Variants in BIRC6 observed in about 807,000 individuals in gnomAD.
BIRC6 encodes baculoviral IAP repeat containing 6.
Under a neutral mutation model 503.3 loss-of-function variants are expected in BIRC6, and 98 were observed. That is an observed-to-expected ratio of 0.19 (90% confidence interval 0.17 to 0.23). The LOEUF (loss-of-function observed/expected upper bound fraction) is 0.23. BIRC6 is among the 10% of genes least tolerant of loss of function. BIRC6 has a pLI of 1.00. For synonymous variants in BIRC6, 2,240 were observed against 2,078.7 expected, an observed-to-expected ratio of 1.08 and a Z score of -2.11; for missense variants, 5,360 against 5,806.0, an observed-to-expected ratio of 0.92 and a Z score of 2.50.
intron 50 of BIRC6, 28 bp downstream of exon 50, chr2:32,505,233 A>T (rs767391784): frequency 4.0e-6 from 6 of 1,492,318 alleles, no homozygotes; most frequent in Non-Finnish European, 5.5e-6. Context: ...AAGAAGCATC[A>T]TGAGAACAAG....
intron 11 of BIRC6, 107 bp downstream of exon 11, chr2:32,429,402 A>G: frequency 1.2e-6 from 1 of 850,148 alleles, no homozygotes; most frequent in Non-Finnish European, 1.7e-6. Context: ...GTGATTCTCA[A>G]CCTGTATGGT....
intron 53 of BIRC6, among the ~76,000 whole-genome samples, chr2:32,511,535 T>A (rs1024759213): frequency 4.1e-5 from 6 of 147,310 alleles, no homozygotes; most frequent in Non-Finnish European, 6.0e-5. Context: ...CTTTACCGTG[T>A]TAGTCAGGAT....
chr2:32,571,816 G>A (rs1239993126), intron 65 of BIRC6, among the ~76,000 whole-genome samples: 8 of 152,108 alleles, frequency 5.3e-5, no homozygotes, highest in African/African-American at 1.9e-4. Context: ...TGAGGTACAT[G>A]TAAGATTGTT....
chr2:32,608,127 CT>C (rs1363097143), intron 72 of BIRC6, among the ~76,000 whole-genome samples: 1 of 149,342 alleles, frequency 6.7e-6, no homozygotes, highest in Non-Finnish European at 1.5e-5. Flanking sequence ...AAGACCCCAT[CT>C]CTGCAAAAAG....
intron 27 of BIRC6, 78 bp from the exon 28 acceptor site, chr2:32,467,825 C>A: frequency 7.0e-7 from 1 of 1,429,898 alleles, no homozygotes; most frequent in Non-Finnish European, 9.4e-7. Context: ...AAAAATATAA[C>A]TATCTTTTTA....
intron 3 of BIRC6, among the ~76,000 whole-genome samples, chr2:32,381,695 G>A (rs1055019582): frequency 2.0e-5 from 3 of 151,944 alleles, no homozygotes; most frequent in South Asian, 2.1e-4. Context: ...ATAGGCACAC[G>A]CCACCATGCC....
intron 56 of BIRC6, 22 bp downstream of exon 56, chr2:32,518,419 A>G: frequency 1.3e-6 from 2 of 1,595,824 alleles, no homozygotes; most frequent in Non-Finnish European, 1.7e-6. Context: ...ACACTTAATC[A>G]TTGGCTGTGT....
At chr2:32,498,267 G>C (rs374351103) in intron 45 of BIRC6, among the ~76,000 whole-genome samples, 1 of 152,106 alleles carries the variant, frequency 6.6e-6, no homozygotes, top group African/African-American at 2.4e-5. Flanking sequence ...GTTTCACCAG[G>C]TTGGCCAGGG....
intron 45 of BIRC6, among the ~76,000 whole-genome samples, chr2:32,494,574 A>G (rs1218428549): frequency 3.3e-5 from 5 of 151,928 alleles, no homozygotes; most frequent in Non-Finnish European, 2.9e-5. Flanking sequence ...TGAAGTTACA[A>G]TAAAACTGAG....
In BIRC6 at chr2:32,401,349, A is replaced by G; in HGVS notation, c.1221A>G (p.Gly407=). Residue 407 remains glycine (G), a synonymous_variant, in exon 7 of 74, where the codon GGA becomes GGG. Coordinates refer to ENST00000421745, the MANE Select transcript of BIRC6 (RefSeq NM_016252.4). ...PHFLAAATKR[G]KICIWDVSKL... The stretch of plus-strand genomic sequence containing the variant: ...TTCTAGCTGCTGCAACTAAACGAGG[A>G]AAGATCTGCATATGGGATGTTTCCA... 2.5e-6 allele frequency: 4 copies of G among 1,614,056 alleles called. No individual in the cohort carries two copies. Among genetic ancestry groups the G allele is most frequent in the Non-Finnish European group, 3.4e-6 (4 of 1,179,896 alleles).
intron 52 of BIRC6, 71 bp downstream of exon 52, chr2:32,510,065 C>T (rs867973101): frequency 1.1e-5 from 17 of 1,507,426 alleles, no homozygotes; most frequent in South Asian, 3.6e-5. Flanking sequence ...GTGCGATCTT[C>T]GTGCTTAACT....
intron 21 of BIRC6, among the ~76,000 whole-genome samples, chr2:32,447,058 C>G (rs544821607): frequency 1.2e-4 from 17 of 139,622 alleles, no homozygotes; most frequent in Admixed American, 4.4e-4. Flanking sequence ...TCAGAGAGCA[C>G]AGGGTTGGGG....
chr2:32,358,582 C>T (rs1023095253), intron 1 of BIRC6, among the ~76,000 whole-genome samples: 1 of 152,114 alleles, frequency 6.6e-6, no homozygotes, highest in African/African-American at 2.4e-5. Flanking sequence ...CTGCGTTTAG[C>T]CAAGTGGAAG....
At chr2:32,579,194 A>G (rs1040679530) in intron 66 of BIRC6, among the ~76,000 whole-genome samples, 5 of 151,476 alleles carry the variant, frequency 3.3e-5, no homozygotes, top group Admixed American at 6.6e-5. Flanking sequence ...TAGAATTTTT[A>G]CCTTCCTTTT....
chr2:32,435,053 A>G (rs913555666), intron 13 of BIRC6, among the ~76,000 whole-genome samples: 1 of 152,116 alleles, frequency 6.6e-6, no homozygotes, highest in African/African-American at 2.4e-5. Context: ...ACAGATACTG[A>G]GGGATGGATG....
chr2:32,425,098 A>ATT (rs34234967), intron 10 of BIRC6, among the ~76,000 whole-genome samples: 66 of 147,772 alleles, frequency 4.5e-4, no homozygotes, highest in African/African-American at 7.7e-4. Context: ...CCACTTTTGA[A>ATT]TTTTTTTTTT....
intron 13 of BIRC6, 25 bp from the exon 14 acceptor site, chr2:32,435,471 C>T: frequency 6.5e-7 from 1 of 1,543,620 alleles, no homozygotes; most frequent in Non-Finnish European, 8.7e-7. Context: ...AGTAGATAGG[C>T]AGATCACCTT....
intron 10 of BIRC6, among the ~76,000 whole-genome samples, chr2:32,423,257 T>C (rs1303254927): frequency 1.3e-5 from 2 of 152,182 alleles, no homozygotes; most frequent in Non-Finnish European, 2.9e-5. Flanking sequence ...AAGAGTAGAA[T>C]TATTGGGTCA....
At chr2:32,581,285 T>C (rs1215484270) in intron 66 of BIRC6, among the ~76,000 whole-genome samples, 1 of 152,172 alleles carries the variant, frequency 6.6e-6, no homozygotes, top group Non-Finnish European at 1.5e-5. Context: ...TTGTGTCCTA[T>C]CTACCCAAAT....
Sources: gnomAD v4.1 joint callset for allele counts (sites outside exome capture counted in the v4.1 genomes callset) on GRCh38, gnomAD v4.1.1 for gene constraint, MANE v1.5 for transcripts, NCBI Gene and HGNC (gene_info 2026-07-23, HGNC 2026-07-21) for gene names.